Variants in WDFY4 observed in about 807,000 individuals in gnomAD.
The protein encoded by WDFY4 is WD repeat- and FYVE domain-containing protein 4.
In WDFY4, 169 loss-of-function variants were observed where a neutral mutation model predicts 351.9. That is an observed-to-expected ratio of 0.48 (90% CI 0.42 to 0.55). WDFY4 has a LOEUF of 0.55. Among genes scored for constraint, WDFY4 ranks in the 20% least tolerant of loss-of-function variants. The pLI is 0.00. For synonymous variants in WDFY4, 1,622 were observed against 1,574.6 expected, an observed-to-expected ratio of 1.03 and a Z score of -0.71; for missense variants, 3,803 against 3,935.6, an observed-to-expected ratio of 0.97 and a Z score of 0.90.
intron 32 of WDFY4, among the ~76,000 whole-genome samples, chr10:48,818,859 G>A (rs2067711435): frequency 6.6e-6 from 1 of 152,212 alleles, no homozygotes; most frequent in African/African-American, 2.4e-5. Flanking sequence ...GCAGGAGAGA[G>A]GTGGGATAGG....
intron 37 of WDFY4, 52 bp from the exon 38 acceptor site, chr10:48,830,648 C>T: frequency 6.6e-7 from 1 of 1,526,572 alleles, no homozygotes; most frequent in African/African-American, 1.4e-5. Flanking sequence ...CCAGCCCTCT[C>T]TGGGAGGGTC....
chr10:48,844,067 C>T (rs2068696653), intron 39 of WDFY4, among the ~76,000 whole-genome samples: 1 of 152,234 alleles, frequency 6.6e-6, no homozygotes, highest in Admixed American at 6.5e-5. Flanking sequence ...CCGCCTGGCG[C>T]CTGCCGCCTG....
In WDFY4 at chr10:48,742,986, G is replaced by C; in HGVS notation, c.1897G>C (p.Val633Leu). 1 of 1,547,346 alleles carries C rather than the reference G, an allele frequency of 6.5e-7. No homozygotes were observed. The highest frequency in any genetic ancestry group is 8.7e-7 in the Non-Finnish European group (1 of 1,144,942). ...DLLKSLLRIL[V>L]TPKGRAAFRV... ...GTTTCAGTCTCTGCTCCGGATCCTG[G>C]TGACCCCCAAGGGTCGTGCTGCCTT... is the stretch of plus-strand genomic sequence containing the variant. Residue 633 changes from valine (V) to leucine (L), a missense_variant, in exon 12 of 62, where the codon GTG (valine) becomes CTG (leucine). This residue lies in a region of WDFY4 where 261 missense variants were observed against 330.2 expected (regional missense o/e 0.79). Transcript: ENST00000325239.
chr10:48,792,821 A>C (rs2066727451), intron 23 of WDFY4, among the ~76,000 whole-genome samples: 1 of 152,230 alleles, frequency 6.6e-6, no homozygotes, highest in South Asian at 2.1e-4. Flanking sequence ...TGAGCTTCTC[A>C]GAAAGCTCAG....
At chr10:48,867,003 C>T (rs1398054030) in intron 39 of WDFY4, among the ~76,000 whole-genome samples, 1 of 151,774 alleles carries the variant, frequency 6.6e-6, no homozygotes, top group East Asian at 1.9e-4. Context: ...AAACCTGTCT[C>T]TACTAAAAAT....
chr10:48,893,476 C>G (rs909962509), intron 44 of WDFY4, among the ~76,000 whole-genome samples: 3 of 152,192 alleles, frequency 2.0e-5, no homozygotes, highest in Non-Finnish European at 2.9e-5. Flanking sequence ...CCAACAGGCT[C>G]TTTGTGATAG....
At chr10:48,965,540 T>C (rs1030989695) in intron 54 of WDFY4, among the ~76,000 whole-genome samples, 1 of 152,348 alleles carries the variant, frequency 6.6e-6, no homozygotes, top group African/African-American at 2.4e-5. Flanking sequence ...GGACTATAAC[T>C]GAGCTGAGGT....
chr10:48,835,292 G>T (rs1284187725), intron 39 of WDFY4, among the ~76,000 whole-genome samples: 2 of 152,188 alleles, frequency 1.3e-5, no homozygotes, highest in African/African-American at 2.4e-5. Flanking sequence ...GAGGGGCTGG[G>T]CTTGTTCAGA....
At chr10:48,782,993 G>A (rs1168342765) in intron 19 of WDFY4, among the ~76,000 whole-genome samples, 1 of 152,124 alleles carries the variant, frequency 6.6e-6, no homozygotes, top group African/African-American at 2.4e-5. Context: ...AGAGATAAGA[G>A]AGCACAGAAA....
intron 39 of WDFY4, among the ~76,000 whole-genome samples, chr10:48,840,525 C>T (rs1564407173): frequency 6.6e-6 from 1 of 151,552 alleles, no homozygotes; most frequent in Non-Finnish European, 1.5e-5. Flanking sequence ...ATGCACACCC[C>T]CACCCACACA....
intron 35 of WDFY4, chr10:48,823,290 C>A: frequency 7.8e-7 from 1 of 1,289,494 alleles, no homozygotes; most frequent in South Asian, 1.2e-5. Flanking sequence ...TTGTCCCACC[C>A]AGGGGGATGT....
At position 48,900,295 on chromosome 10, in the gene WDFY4, G is replaced by A. The variant is rs901064145; in HGVS notation, c.7512G>A (p.Lys2504=). 5 of 1,551,396 alleles carry A rather than the reference G, an allele frequency of 3.2e-6. No individual in the cohort carries two copies. Among genetic ancestry groups the A allele is most frequent in the Admixed American group, 2.0e-5 (1 of 50,948 alleles). ...TCTTCTACAACAATGATCGGAGTAA[G>A]GCCTTTAAAAGGTAAGAGCTTGAAA... ...FLVFYNNDRS[K]AFKSFCSFQP... is the part of the protein sequence containing the mutation. Residue 2504 remains lysine (K), a synonymous_variant, in exon 46 of 62, where the codon AAG becomes AAA. Transcript: ENST00000325239.
chr10:48,734,942 A>ATT (rs3079302), intron 10 of WDFY4, among the ~76,000 whole-genome samples: 50,489 of 123,154 alleles, frequency 0.41, 10,922 homozygotes, highest in East Asian at 0.56. Context: ...TGCACGGCTA[A>ATT]TTTTTTTTTT....
chr10:48,785,199 G>A (rs1362469319), intron 19 of WDFY4, among the ~76,000 whole-genome samples: 4 of 152,150 alleles, frequency 2.6e-5, no homozygotes, highest in East Asian at 3.9e-4. Context: ...GTTTTAAAAT[G>A]TATACATATA....
Position 48,820,369 on chromosome 10 carries a change from C to T in WDFY4, c.5641C>T (p.Leu1881Phe). 6.4e-7 allele frequency: 1 copy of T among 1,551,642 alleles called. No homozygotes were observed. Among genetic ancestry groups the T allele is most frequent in the Admixed American group, 2.0e-5 (1 of 51,000 alleles). ...RRKLREFTQL[L>F]LRELLLGASS... ...GAAGCTGAGGGAGTTCACGCAGCTC[C>T]TCTTGAGGGAGCTCCTGCTTGGAGC... Residue 1881 changes from leucine to phenylalanine, a missense_variant, in exon 33 of 62, where the codon CTC (leucine) becomes TTC (phenylalanine). Physicochemically the swap from Leu to Phe is conservative, Grantham distance 22. Transcript: ENST00000325239.
chr10:48,915,830 C>A (rs957809141), intron 47 of WDFY4, among the ~76,000 whole-genome samples: 1 of 152,204 alleles, frequency 6.6e-6, no homozygotes, highest in Admixed American at 6.5e-5. Context: ...TGTTCATTTA[C>A]ACAGGCCTTG....
chr10:48,900,598 T>A (rs1837304471), intron 46 of WDFY4, among the ~76,000 whole-genome samples: 1 of 152,226 alleles, frequency 6.6e-6, no homozygotes, highest in South Asian at 2.1e-4. Context: ...ACCACAGAGT[T>A]AAGGAACTGG....
At chr10:48,716,086 T>C (rs2063900425) in intron 2 of WDFY4, among the ~76,000 whole-genome samples, 1 of 152,164 alleles carries the variant, frequency 6.6e-6, no homozygotes, top group East Asian at 1.9e-4. Flanking sequence ...AATAACACTT[T>C]TTAGCAAAGT....
At chr10:48,803,524 A>G (rs2067152897) in intron 25 of WDFY4, among the ~76,000 whole-genome samples, 165 bp downstream of exon 25, 1 of 151,826 alleles carries the variant, frequency 6.6e-6, no homozygotes, top group Non-Finnish European at 1.5e-5. Context: ...GTCTCCTCTC[A>G]TGGTCTCGGG....
Sources: allele counts gnomAD v4.1 joint callset (sites outside exome capture counted in the v4.1 genomes callset), GRCh38; gene constraint gnomAD v4.1.1; regional missense constraint gnomAD v4.1.1; transcripts MANE v1.5; gene names NCBI Gene and HGNC (gene_info 2026-07-23, HGNC 2026-07-21).